The following NOSTRIN variants were observed in gnomAD, a reference collection of about 807,000 sequenced individuals.
The protein encoded by NOSTRIN is BM247 homolog.
Under a neutral mutation model 59.0 loss-of-function variants are expected in NOSTRIN, and 63 were observed. The ratio of observed to expected loss-of-function variants is 1.07; its 90% CI spans 0.87 to 1.32. The LOEUF (loss-of-function observed/expected upper bound fraction) is 1.32, where lower values mean the gene tolerates loss of function less well. NOSTRIN is among the 40% of genes most tolerant of loss of function. NOSTRIN has a pLI of 0.00. For missense variants in NOSTRIN, 512 were observed against 473.1 expected (o/e 1.08, Z -0.76); for synonymous variants, 200 against 165.4 (o/e 1.21, Z -1.61).
intron 6 of NOSTRIN, 60 bp from the exon 7 acceptor site, chr2:168,834,167 G>GT: frequency 2.4e-6 from 2 of 816,376 alleles, no homozygotes; most frequent in Non-Finnish European, 4.3e-6. Context: ...AAAGAGGAGA[G>GT]TTTTCTCTTG....
At chr2:168,845,475 T>C (rs770494944) in intron 8 of NOSTRIN, among the ~76,000 whole-genome samples, 1 of 152,246 alleles carries the variant, frequency 6.6e-6, no homozygotes, top group Non-Finnish European at 1.5e-5. Flanking sequence ...CTACCTGGTG[T>C]AGCTGATAAC....
chr2:168,826,095 T>C (rs1464367284), intron 3 of NOSTRIN, among the ~76,000 whole-genome samples: 1 of 152,222 alleles, frequency 6.6e-6, no homozygotes, highest in Non-Finnish European at 1.5e-5. Context: ...AAAGCCTATC[T>C]CTTATGGTTG....
At chr2:168,791,514 G>A (rs1685351786) in intron 2 of NOSTRIN, among the ~76,000 whole-genome samples, 1 of 152,112 alleles carries the variant, frequency 6.6e-6, no homozygotes, top group South Asian at 2.1e-4. Flanking sequence ...CCCAGTAATG[G>A]CATGGCTGGG....
At chr2:168,831,776 AT>A (rs1687375414) in intron 6 of NOSTRIN, among the ~76,000 whole-genome samples, 1 of 152,182 alleles carries the variant, frequency 6.6e-6, no homozygotes, top group African/African-American at 2.4e-5. Flanking sequence ...TATGTATTTA[AT>A]CATCACAACA....
chr2:168,845,222 GC>G (rs1426921397), intron 8 of NOSTRIN, among the ~76,000 whole-genome samples: 8 of 152,120 alleles, frequency 5.3e-5, no homozygotes, highest in Non-Finnish European at 1.2e-4. Flanking sequence ...TTGAAATCTG[GC>G]TCTGCAACCT....
intron 7 of NOSTRIN, among the ~76,000 whole-genome samples, chr2:168,838,891 A>G (rs1195637546): frequency 2.0e-5 from 3 of 150,894 alleles, no homozygotes; most frequent in Non-Finnish European, 3.0e-5. Context: ...AAGTTCAACA[A>G]TTCTGCCTTA....
At chr2:168,801,774 G>C (rs1685620390), upstream of NOSTRIN, among the ~76,000 whole-genome samples, 1 of 152,178 alleles carries the variant, frequency 6.6e-6, no homozygotes, top group African/African-American at 2.4e-5. Context: ...TGGGACCACA[G>C]GTACAGGGAA....
At chr2:168,850,387 A>G (rs936423467) in intron 8 of NOSTRIN, among the ~76,000 whole-genome samples, 1 of 152,230 alleles carries the variant, frequency 6.6e-6, no homozygotes, top group Non-Finnish European at 1.5e-5. Context: ...AATTTTAGGC[A>G]GAATTATAAA....
At position 168,855,427 on chromosome 2, in the gene NOSTRIN, A is replaced by AGAGACATTG. The variant is rs757653084; in HGVS notation, c.932_940dup (p.Ile313_Glu314insGlyAspIle). 6.2e-7 allele frequency: 1 copy of AGAGACATTG among 1,610,714 alleles called. No individual in the cohort carries two copies. The highest frequency in any genetic ancestry group is 8.5e-7 in the Non-Finnish European group (1 of 1,177,442). The stretch of plus-strand genomic sequence containing the variant: ...AAAACCAAAATTATTGAGACTGCAG[A>AGAGACATTG]GAGACATTGAAAAAGCCTCAAAAGA... On this transcript the variant is annotated inframe_insertion, in exon 11 of 16. Coordinates refer to ENST00000317647, the MANE Select transcript of NOSTRIN (RefSeq NM_001039724.4).
chr2:168,801,061 TAC>T (rs1156323235), upstream of NOSTRIN: 1 of 151,868 alleles, frequency 6.6e-6, no homozygotes, highest in African/African-American at 2.4e-5. Flanking sequence ...TCTTTTATTA[TAC>T]AGAGTTGCTT....
chr2:168,818,863 G>A (rs1686565534), intron 2 of NOSTRIN, among the ~76,000 whole-genome samples: 1 of 151,894 alleles, frequency 6.6e-6, no homozygotes, highest in African/African-American at 2.4e-5. Flanking sequence ...TTTAATTTTT[G>A]TGGGTATATA....
intron 2 of NOSTRIN, among the ~76,000 whole-genome samples, chr2:168,789,806 C>T (rs1411315475): frequency 6.6e-6 from 1 of 152,182 alleles, no homozygotes; most frequent in East Asian, 1.9e-4. Flanking sequence ...GAAAGTCAGA[C>T]CGAGAAACAA....
intron 7 of NOSTRIN, among the ~76,000 whole-genome samples, 182 bp downstream of exon 7, chr2:168,834,507 GCACACACACACACA>G (rs1553527194): frequency 2.4e-5 from 3 of 125,342 alleles, no homozygotes; most frequent in East Asian, 4.8e-4. Flanking sequence ...GCGCGCGCGC[GCACACACACACACA>G]CACACACACA....
At chr2:168,811,844 A>G (rs1686153414) in intron 2 of NOSTRIN, 192 bp downstream of exon 2, 2 of 439,116 alleles carry the variant, frequency 4.6e-6, no homozygotes, top group South Asian at 7.4e-5. Flanking sequence ...ATCAAGAAAC[A>G]GCAGGAAGTA....
chr2:168,839,523 A>G (rs1687936441), intron 7 of NOSTRIN, among the ~76,000 whole-genome samples: 1 of 152,174 alleles, frequency 6.6e-6, no homozygotes. Flanking sequence ...AATGAATGCG[A>G]TGTTTGTTCC....
chr2:168,844,532 T>C (rs1688289430), intron 8 of NOSTRIN, among the ~76,000 whole-genome samples: 2 of 152,158 alleles, frequency 1.3e-5, no homozygotes, highest in Non-Finnish European at 2.9e-5. Context: ...GTATTAATCA[T>C]GACATTATGA....
intron 2 of NOSTRIN, among the ~76,000 whole-genome samples, chr2:168,824,423 C>T (rs1686938208): frequency 6.6e-6 from 1 of 152,106 alleles, no homozygotes; most frequent in Non-Finnish European, 1.5e-5. Context: ...CTCAGCCTCC[C>T]AAGTAGCTGG....
Position 168,865,052 on chromosome 2 carries a change from T to G in NOSTRIN, c.*82T>G, listed in dbSNP as rs1453037458. Reference sequence around the variant, plus strand: ...CAAATAAGAATAAAGTGCTCTTACCTTTACATGTTTTTCTTTTGAAATGGA... The same window carrying G: ...CAAATAAGAATAAAGTGCTCTTACCGTTACATGTTTTTCTTTTGAAATGGA... On this transcript the variant is annotated 3_prime_UTR_variant, in exon 16 of 16. Coordinates refer to ENST00000317647, the MANE Select transcript of NOSTRIN (RefSeq NM_001039724.4). 2 of 1,443,732 alleles carry G rather than the reference T, an allele frequency of 1.4e-6. No individual in the cohort carries two copies. The highest frequency in any genetic ancestry group is 4.6e-5 in the East Asian group (2 of 43,588). The allele number at this position is 1,443,732 out of a possible 1,614,324, so 89.4% of individuals were successfully genotyped here.
At chr2:168,855,519 A>G (rs1266618705) in intron 11 of NOSTRIN, 59 bp downstream of exon 11, 1 of 933,302 alleles carries the variant, frequency 1.1e-6, no homozygotes, top group Non-Finnish European at 1.7e-6. Flanking sequence ...CAGAGGTTTC[A>G]TTCAGAGTTA....
Sources: gnomAD v4.1 joint callset for allele counts (sites outside exome capture counted in the v4.1 genomes callset) on GRCh38, gnomAD v4.1.1 for gene constraint, MANE v1.5 for transcripts, NCBI Gene and HGNC (gene_info 2026-07-23, HGNC 2026-07-21) for gene names.